Variants in LPP observed in about 807,000 individuals in gnomAD.
LPP encodes the protein lipoma-preferred partner.
A neutral mutation model predicts 60.4 loss-of-function variants in LPP; 38 were observed. The observed-to-expected ratio is 0.63, with a 90% CI of 0.49 to 0.83. The LOEUF (loss-of-function observed/expected upper bound fraction) is 0.83, where lower values mean the gene tolerates loss of function less well. LPP is among the 40% of genes least tolerant of loss of function. LPP has a pLI of 0.00. For missense variants in LPP, 902 were observed against 783.6 expected (o/e 1.15, Z -1.80); for synonymous variants, 328 against 290.8 (o/e 1.13, Z -1.30).
intron 6 of LPP, among the ~76,000 whole-genome samples, chr3:188,552,975 G>A (rs767130526): frequency 2.0e-5 from 3 of 152,132 alleles, no homozygotes; most frequent in Admixed American, 2.0e-4. Context: ...ATGCATGGAG[G>A]CTGAGATTGT....
chr3:188,569,937 C>T (rs1833121829), intron 6 of LPP, among the ~76,000 whole-genome samples: 1 of 151,880 alleles, frequency 6.6e-6, no homozygotes, highest in African/African-American at 2.4e-5. Context: ...TGCTCATTTG[C>T]TTCCCATTCT....
At chr3:188,273,183 G>A (rs1738403425) in intron 2 of LPP, among the ~76,000 whole-genome samples, 1 of 152,228 alleles carries the variant, frequency 6.6e-6, no homozygotes, top group Non-Finnish European at 1.5e-5. Flanking sequence ...GGATGGGATT[G>A]AATTAGTCAT....
chr3:188,405,738 C>T (rs1243430659), intron 3 of LPP, among the ~76,000 whole-genome samples: 2 of 152,118 alleles, frequency 1.3e-5, no homozygotes, highest in African/African-American at 4.8e-5. Context: ...TTCCATCCTC[C>T]TACCATAAAA....
At chr3:188,247,572 G>A (rs1408791286) in intron 2 of LPP, among the ~76,000 whole-genome samples, 2 of 152,194 alleles carry the variant, frequency 1.3e-5, no homozygotes, top group Admixed American at 1.3e-4. Context: ...GGGAGGCCAA[G>A]GTGGGCGCCT....
At chr3:188,344,327 T>C (rs1763787580) in intron 3 of LPP, among the ~76,000 whole-genome samples, 2 of 152,330 alleles carry the variant, frequency 1.3e-5, no homozygotes, top group Non-Finnish European at 2.9e-5. Context: ...GTAGAGGCAG[T>C]AGTTATAAGT....
At chr3:188,679,534 T>C (rs1297237029) in intron 7 of LPP, among the ~76,000 whole-genome samples, 2 of 149,320 alleles carry the variant, frequency 1.3e-5, no homozygotes, top group Non-Finnish European at 3.0e-5. Flanking sequence ...TGTGTGTGTG[T>C]GTGTGTGTGT....
intron 1 of LPP, among the ~76,000 whole-genome samples, chr3:188,224,601 A>G (rs1717040210): frequency 6.6e-6 from 1 of 152,180 alleles, no homozygotes; most frequent in African/African-American, 2.4e-5. Context: ...TGCAGTCTGT[A>G]TAAGCATGGC....
At chr3:188,681,274 G>A (rs1003904133) in intron 7 of LPP, among the ~76,000 whole-genome samples, 22 of 152,124 alleles carry the variant, frequency 1.4e-4, no homozygotes, top group African/African-American at 3.9e-4. Context: ...GATTACAGGC[G>A]TGAGCCACCG....
At chr3:188,421,542 CAA>C (rs1240528242) in intron 4 of LPP, among the ~76,000 whole-genome samples, 1 of 152,130 alleles carries the variant, frequency 6.6e-6, no homozygotes, top group Non-Finnish European at 1.5e-5. Flanking sequence ...CCTAGTTGGC[CAA>C]AGTCTCTTCA....
At chr3:188,366,229 G>C (rs1771122991) in intron 3 of LPP, among the ~76,000 whole-genome samples, 1 of 152,114 alleles carries the variant, frequency 6.6e-6, no homozygotes, top group African/African-American at 2.4e-5. Context: ...TCTTTGTTAA[G>C]GCTGAATAAC....
chr3:188,796,194 A>G (rs1430167227), intron 9 of LPP, among the ~76,000 whole-genome samples: 1 of 152,204 alleles, frequency 6.6e-6, no homozygotes, highest in Admixed American at 6.5e-5. Context: ...GGCATTCCTA[A>G]GGAAGTGATA....
At chr3:188,404,370 G>C (rs1782930887) in intron 3 of LPP, among the ~76,000 whole-genome samples, 2 of 152,140 alleles carry the variant, frequency 1.3e-5, no homozygotes, top group South Asian at 4.1e-4. Context: ...TCAGCCTCTT[G>C]AGTAGCTGGA....
rs116498150 is a variant in LPP, at chr3:188,315,688, G to A, written c.-66-25975G>A. ...TCTGTTTATTTATTTTGGGTCTACC[G>A]TTGTGCCTGTCATATATTTCTTAAG... On this transcript the variant is annotated intron_variant, in intron 2 of 11. Transcript: ENST00000617246. Among the ~76,000 whole-genome samples the A allele has an allele frequency of 5.4e-3, 820 of 152,138 alleles. 7 individuals carry two copies. Among genetic ancestry groups the A allele is most frequent in the South Asian group, 0.021 (101 of 4,830 alleles).
chr3:188,168,471 C>T (rs1332542051), intron 1 of LPP, among the ~76,000 whole-genome samples: 1 of 152,106 alleles, frequency 6.6e-6, no homozygotes, highest in South Asian at 2.1e-4. Context: ...AACATGGTCA[C>T]CTGGTTCTTC....
intron 1 of LPP, among the ~76,000 whole-genome samples, chr3:188,199,113 C>G (rs1028976061): frequency 6.6e-5 from 10 of 152,122 alleles, no homozygotes; most frequent in Non-Finnish European, 7.3e-5. Flanking sequence ...GTTAACCAGG[C>G]CTGTTGGTCA....
chr3:188,882,930 C>CG lies in LPP; in HGVS notation c.*8455dup, dbSNP rs1283325279. 5.5e-6 allele frequency: 1 copy of CG among 182,638 alleles called. No individual in the cohort carries two copies. Among genetic ancestry groups the CG allele is most frequent in the Non-Finnish European group, 1.2e-5 (1 of 85,968 alleles). The allele number at this position is 182,638 out of a possible 1,614,324, so 11.3% of individuals were successfully genotyped here. On this transcript the variant is annotated 3_prime_UTR_variant, in exon 12 of 12. Coordinates refer to ENST00000617246, the MANE Select transcript of LPP (RefSeq NM_001375462.1). ...ATTTTTTTTGTACTTTTAGTAGAGACGGGGTTTCACCGTGGTCTCGATCTC... is the reference window on the plus strand; with the variant it reads ...ATTTTTTTTGTACTTTTAGTAGAGACGGGGGTTTCACCGTGGTCTCGATCTC...
At chr3:188,357,732 T>C (rs1768030524) in intron 3 of LPP, among the ~76,000 whole-genome samples, 2 of 152,314 alleles carry the variant, frequency 1.3e-5, no homozygotes, top group Non-Finnish European at 2.9e-5. Flanking sequence ...ATTCTGAGTA[T>C]AGTTTTGGCC....
At chr3:188,866,812 G>C (rs1019607945) in intron 10 of LPP, among the ~76,000 whole-genome samples, 2 of 152,094 alleles carry the variant, frequency 1.3e-5, no homozygotes, top group Non-Finnish European at 2.9e-5. Context: ...GTTTTCTCAA[G>C]AGCTAATCTG....
chr3:188,428,921 C>G (rs1044566267), intron 4 of LPP, among the ~76,000 whole-genome samples: 1 of 152,032 alleles, frequency 6.6e-6, no homozygotes, highest in Admixed American at 6.6e-5. Context: ...ACAAGAACAA[C>G]CTGATCACGT....
Sources: gnomAD v4.1 joint callset for allele counts (sites outside exome capture counted in the v4.1 genomes callset) on GRCh38, gnomAD v4.1.1 for gene constraint, MANE v1.5 for transcripts, NCBI Gene and HGNC (gene_info 2026-07-23, HGNC 2026-07-21) for gene names.